Variants in PCDHA3 observed in about 807,000 individuals in gnomAD.
PCDHA3 encodes the protein protocadherin alpha-3.
Under a neutral mutation model 62.2 loss-of-function variants are expected in PCDHA3, and 41 were observed. That is an observed-to-expected ratio of 0.66 (90% CI 0.51 to 0.86). The LOEUF is 0.86. Among genes scored for constraint, PCDHA3 ranks in the 40% least tolerant of loss-of-function variants. PCDHA3 has a pLI of 0.00. For synonymous variants in PCDHA3, 640 were observed against 555.4 expected, an observed-to-expected ratio of 1.15 and a Z score of -2.14; for missense variants, 1,304 against 1,241.2, an observed-to-expected ratio of 1.05 and a Z score of -0.76.
chr5:140,906,662 G>A (rs1186000828), intron 1 of PCDHA3, among the ~76,000 whole-genome samples: 1 of 152,200 alleles, frequency 6.6e-6, no homozygotes, highest in Non-Finnish European at 1.5e-5. Context: ...TCCTGGTGTA[G>A]TGACCCAAAC....
chr5:141,009,573 G>T, intron 3 of PCDHA3, 54 bp from the exon 4 acceptor site: 2 of 1,580,662 alleles, frequency 1.3e-6, no homozygotes, highest in South Asian at 1.2e-5. Context: ...CAGCAGTGTG[G>T]CATCAAGAGC....
intron 1 of PCDHA3, among the ~76,000 whole-genome samples, chr5:140,941,226 T>TCTTTCTTTCTTTCTTTCTTTCTTC (rs2092915713): frequency 1.5e-5 from 2 of 135,514 alleles, no homozygotes; most frequent in Admixed American, 7.6e-5. Flanking sequence ...TTTCTTTCTT[T>TCTTTCTTTCTTTCTTTCTTTCTTC]CTTTCTTTCT....
In PCDHA3 at chr5:140,870,942, G is replaced by A. The variant is rs782286042; in HGVS notation, c.2394+67351G>A. ...GGCTTTCATATGAATTGCAGCCGGC[G>A]GCGGGCGGCTCGCGCATCCCGTTCC... On this transcript the variant is annotated intron_variant, in intron 1 of 3. Transcript: ENST00000522353. The A allele has an allele frequency of 5.0e-6, 8 of 1,613,740 alleles. No individual in the cohort carries two copies. The Admixed American group carries it at 6.7e-5, about 13-fold the overall frequency.
chr5:140,887,196 A>T (rs180902279), intron 1 of PCDHA3, among the ~76,000 whole-genome samples: 49 of 151,316 alleles, frequency 3.2e-4, no homozygotes, highest in African/African-American at 1.1e-3. Context: ...TCCCGGGTTC[A>T]CGCCATTCTC....
At chr5:140,965,703 G>T (rs1280783019) in intron 1 of PCDHA3, among the ~76,000 whole-genome samples, 1 of 152,178 alleles carries the variant, frequency 6.6e-6, no homozygotes, top group Non-Finnish European at 1.5e-5. Flanking sequence ...GAAAAAGCTT[G>T]AGAGAAGAAT....
At chr5:140,902,071 T>G (rs1288333473) in intron 1 of PCDHA3, among the ~76,000 whole-genome samples, 1 of 152,186 alleles carries the variant, frequency 6.6e-6, no homozygotes, top group African/African-American at 2.4e-5. Flanking sequence ...TTTACTGAAT[T>G]TATTGTTTTA....
chr5:140,953,476 G>A (rs1554220931), intron 1 of PCDHA3, among the ~76,000 whole-genome samples: 2 of 152,088 alleles, frequency 1.3e-5, no homozygotes. Flanking sequence ...ACTTCCTCAT[G>A]CTGTGTCACA....
At position 140,803,079 on chromosome 5, in the gene PCDHA3, A is replaced by G; in HGVS notation, c.1882A>G (p.Thr628Ala). Residue 628 changes from threonine to alanine, a missense_variant, in exon 1 of 4, where the codon ACG (threonine) becomes GCG (alanine). Transcript: ENST00000522353. ...ARIPFRVGLY[T>A]GEISTTRALD... ...CATCCCGTTTCGCGTGGGGCTGTACACGGGAGAGATCAGCACGACCCGTGC... is the reference window on the plus strand; with the variant it reads ...CATCCCGTTTCGCGTGGGGCTGTACGCGGGAGAGATCAGCACGACCCGTGC... 9 of 1,613,952 alleles carry G rather than the reference A, an allele frequency of 5.6e-6. No individual in the cohort carries two copies. Among genetic ancestry groups the G allele is most frequent in the African/African-American group, 1.3e-5 (1 of 75,076 alleles).
At chr5:140,838,195 A>T (rs1007938593) in intron 1 of PCDHA3, among the ~76,000 whole-genome samples, 4 of 149,564 alleles carry the variant, frequency 2.7e-5, no homozygotes, top group Non-Finnish European at 5.9e-5. Context: ...CTCACTGCAA[A>T]ATCCGCCTCT....
chr5:140,877,684 A>C, intron 1 of PCDHA3: 1 of 1,613,768 alleles, frequency 6.2e-7, no homozygotes, highest in East Asian at 2.2e-5. Flanking sequence ...GGGCAAGCCC[A>C]CGCTGGTGTG....
chr5:140,873,785 C>T (rs1035020245), intron 1 of PCDHA3, among the ~76,000 whole-genome samples: 2 of 152,146 alleles, frequency 1.3e-5, no homozygotes, highest in Non-Finnish European at 2.9e-5. Flanking sequence ...CTCAGCTTTC[C>T]GAGAAGCTGG....
At position 140,870,584 on chromosome 5, in the gene PCDHA3, T is replaced by C. The variant is rs782563992; in HGVS notation, c.2394+66993T>C. The C allele has an allele frequency of 2.5e-6, 4 of 1,613,672 alleles. No homozygotes were observed. In the African/African-American group the frequency reaches 5.3e-5, roughly 22 times the overall value. On this transcript the variant is annotated intron_variant, in intron 1 of 3. Coordinates refer to ENST00000522353, the MANE Select transcript of PCDHA3 (RefSeq NM_018906.3). ...AACGCGCTGGTGTCCTACTCGCTGG[T>C]GGAGCGGCGGTTGGGCGACCGCGCG...
intron 1 of PCDHA3, chr5:140,867,950 C>G (rs2050209580): frequency 1.3e-5 from 2 of 152,002 alleles, no homozygotes; most frequent in Non-Finnish European, 2.9e-5. Context: ...ACTTCTGCTC[C>G]CAAACCCAAA....
chr5:140,967,515 C>G, intron 1 of PCDHA3: 1 of 1,612,792 alleles, frequency 6.2e-7, no homozygotes, highest in Non-Finnish European at 8.5e-7. Flanking sequence ...GTCCTGGACA[C>G]TAACGACAAC....
chr5:140,998,746 A>C (rs1473770059), intron 3 of PCDHA3, among the ~76,000 whole-genome samples: 2 of 151,954 alleles, frequency 1.3e-5, no homozygotes, highest in Non-Finnish European at 2.9e-5. Context: ...GTATTTTTAG[A>C]AGAGACACAG....
At chr5:140,995,543 G>T (rs1243799532) in intron 3 of PCDHA3, among the ~76,000 whole-genome samples, 1 of 152,144 alleles carries the variant, frequency 6.6e-6, no homozygotes, top group African/African-American at 2.4e-5. Flanking sequence ...AATAAGGGGC[G>T]ATCACTGTAC....
rs1215327894 is a variant in PCDHA3 at position 140,868,871 on chromosome 5, A to T, written c.2394+65280A>T. On this transcript the variant is annotated intron_variant, in intron 1 of 3. Transcript: ENST00000522353. ...TTCTGTGGTGGTAAATGCAGTGCAC[A>T]GTACTCACAGTTTTAGGCGCAAGGT... 4.8e-6 allele frequency: 3 copies of T among 625,152 alleles called. No homozygotes were observed. In the Admixed American group the frequency reaches 9.8e-5, roughly 20 times the overall value. 38.7% of individuals were successfully genotyped at this position (625,152 alleles called of 1,614,324 possible).
At chr5:140,995,570 A>G (rs186345842) in intron 3 of PCDHA3, among the ~76,000 whole-genome samples, 1 of 152,210 alleles carries the variant, frequency 6.6e-6, no homozygotes, top group African/African-American at 2.4e-5. Flanking sequence ...ATATGTCAAG[A>G]TGAGCTATGA....
At chr5:140,940,717 G>T (rs1554213570) in intron 1 of PCDHA3, among the ~76,000 whole-genome samples, 1 of 152,130 alleles carries the variant, frequency 6.6e-6, no homozygotes, top group African/African-American at 2.4e-5. Flanking sequence ...GCTGTGTGCT[G>T]TTTCAGCTGG....
Sources: allele counts gnomAD v4.1 joint callset (sites outside exome capture counted in the v4.1 genomes callset), GRCh38; gene constraint gnomAD v4.1.1; transcripts MANE v1.5; gene names NCBI Gene and HGNC (gene_info 2026-07-23, HGNC 2026-07-21).